Variants in ILRUN observed in about 807,000 individuals in gnomAD.
ILRUN encodes the protein protein ILRUN.
A neutral mutation model predicts 33.8 loss-of-function variants in ILRUN; 3 were observed. That is an observed-to-expected ratio of 0.09 (90% CI 0.04 to 0.23). The LOEUF is 0.23. ILRUN is among the 10% of genes least tolerant of loss of function. The probability of loss-of-function intolerance (pLI) is 1.00; values close to 1 mark genes in which losing one functional copy is unlikely to be tolerated. For missense variants in ILRUN, 210 were observed against 375.1 expected, an observed-to-expected ratio of 0.56 and a Z score of 3.64; for synonymous variants, 124 against 138.9, an observed-to-expected ratio of 0.89 and a Z score of 0.75.
intron 4 of ILRUN, among the ~76,000 whole-genome samples, chr6:34,597,003 C>T (rs1176672830): frequency 6.6e-6 from 1 of 152,034 alleles, no homozygotes; most frequent in Non-Finnish European, 1.5e-5. Flanking sequence ...TACTTCCATC[C>T]CTCCTCCCTC....
intron 2 of ILRUN, among the ~76,000 whole-genome samples, chr6:34,649,285 A>G (rs1383271661): frequency 6.6e-6 from 1 of 152,234 alleles, no homozygotes; most frequent in Non-Finnish European, 1.5e-5. Flanking sequence ...TGCTTGATAC[A>G]GAAGGAAGGG....
chr6:34,617,751 T>G (rs1761928054), intron 3 of ILRUN, among the ~76,000 whole-genome samples: 2 of 152,164 alleles, frequency 1.3e-5, no homozygotes, highest in African/African-American at 4.8e-5. Flanking sequence ...AAATGTGCAT[T>G]AGAAACTTGT....
At chr6:34,598,225 G>A (rs1038731545) in intron 4 of ILRUN, among the ~76,000 whole-genome samples, 3 of 152,184 alleles carry the variant, frequency 2.0e-5, no homozygotes, top group African/African-American at 7.2e-5. Flanking sequence ...CCCTTAGGCA[G>A]TGAAATCACA....
Position 34,589,816 on chromosome 6 carries a change from C to G in ILRUN, c.*749G>C, listed in dbSNP as rs555542420. 3.9e-5 allele frequency: 6 copies of G among 152,314 alleles called. No individual in the cohort carries two copies. Among genetic ancestry groups the G allele is most frequent in the African/African-American group, 1.4e-4 (6 of 41,568 alleles). 9.4% of individuals were successfully genotyped at this position (152,314 alleles called of 1,614,324 possible). A position where few individuals can be genotyped will look rare whatever the true frequency, so the allele number is the denominator to read the frequency against. Reference sequence around the variant, plus strand: ...TAGAAAATCCCACGTCACCCGAGATCTATCCTCAAGGCTTCCTCTGCTGGC... The same window carrying G: ...TAGAAAATCCCACGTCACCCGAGATGTATCCTCAAGGCTTCCTCTGCTGGC... On this transcript the variant is annotated 3_prime_UTR_variant, in exon 5 of 5. Transcript: ENST00000374023.
In ILRUN at chr6:34,613,623, T is replaced by C. The variant is rs199942472; in HGVS notation, c.512-6719A>G. On this transcript the variant is annotated intron_variant, in intron 3 of 4. Transcript: ENST00000374023. ...GAACAAGGTTCCTCACTTTTGAAGATATTATAGATAAGCAAGAAAGGAAGG... is the reference window on the plus strand; with the variant it reads ...GAACAAGGTTCCTCACTTTTGAAGACATTATAGATAAGCAAGAAAGGAAGG... Among the ~76,000 whole-genome samples, 37 of 152,322 alleles carry C rather than the reference T, an allele frequency of 2.4e-4. No individual in the cohort carries two copies. The East Asian group carries it at 6.9e-3, about 29-fold the overall frequency.
chr6:34,650,923 C>A (rs1674338785), intron 2 of ILRUN, among the ~76,000 whole-genome samples: 3 of 152,102 alleles, frequency 2.0e-5, no homozygotes, highest in Admixed American at 1.3e-4. Flanking sequence ...GTAGCTCTTT[C>A]AGTGAGTGCT....
chr6:34,609,630 A>G (rs1250296631), intron 3 of ILRUN, among the ~76,000 whole-genome samples: 1 of 152,308 alleles, frequency 6.6e-6, no homozygotes, highest in Non-Finnish European at 1.5e-5. Context: ...AAAAAAGGGA[A>G]TCTTAAAGTA....
At chr6:34,647,726 G>A (rs145278828) in intron 2 of ILRUN, among the ~76,000 whole-genome samples, 1 of 152,224 alleles carries the variant, frequency 6.6e-6, no homozygotes, top group East Asian at 1.9e-4. Flanking sequence ...TACCACGCCT[G>A]GCTAATTATT....
At chr6:34,632,804 TGAGCCACCA>T (rs768857872) in intron 3 of ILRUN, among the ~76,000 whole-genome samples, 3 of 152,116 alleles carry the variant, frequency 2.0e-5, no homozygotes, top group African/African-American at 4.8e-5. Context: ...ATTACAGGCG[TGAGCCACCA>T]CGCCCGGCCA....
At chr6:34,682,258 T>TG (rs1554189571) in intron 1 of ILRUN, among the ~76,000 whole-genome samples, 1,720 of 55,464 alleles carry the variant, frequency 0.031, 29 homozygotes, top group African/African-American at 0.062. Context: ...TCTGTTTTTT[T>TG]TTTTTTTTTT....
At chr6:34,671,130 G>A (rs532793284) in intron 1 of ILRUN, among the ~76,000 whole-genome samples, 4 of 152,234 alleles carry the variant, frequency 2.6e-5, no homozygotes, top group Non-Finnish European at 2.9e-5. Context: ...TGAAAGCACA[G>A]AGGCTGGGGT....
chr6:34,664,483 G>GT (rs1562024012), intron 1 of ILRUN, among the ~76,000 whole-genome samples: 1 of 152,022 alleles, frequency 6.6e-6, no homozygotes, highest in African/African-American at 2.4e-5. Context: ...AAATGGTGCT[G>GT]TTTTTTTGCT....
intron 4 of ILRUN, among the ~76,000 whole-genome samples, chr6:34,593,993 AT>A (rs1458731298): frequency 1.3e-5 from 2 of 152,150 alleles, no homozygotes; most frequent in Non-Finnish European, 2.9e-5. Context: ...GCCCATCCAC[AT>A]TTCAGATTCC....
chr6:34,592,415 G>A lies in ILRUN; in HGVS notation c.862-1815C>T, dbSNP rs569550845. On this transcript the variant is annotated intron_variant, in intron 4 of 4. Coordinates refer to ENST00000374023, the MANE Select transcript of ILRUN (RefSeq NM_024294.4). The surrounding 1 kb of genome is among the most constrained non-coding windows in gnomAD (Gnocchi z 4.0). ...CGAGCCAACCACGCCTCTAGCAGAC[G>A]AGCTATGAACCATCTCAGCAGCCAC... 1.1e-4 allele frequency among the ~76,000 whole-genome samples: 17 copies of A among 152,266 alleles called. No individual in the cohort carries two copies. The highest frequency in any genetic ancestry group is 9.7e-4 in the East Asian group (5 of 5,166).
chr6:34,671,196 C>T (rs1440717675), intron 1 of ILRUN, among the ~76,000 whole-genome samples: 1 of 151,998 alleles, frequency 6.6e-6, no homozygotes, highest in Non-Finnish European at 1.5e-5. Flanking sequence ...CACTTAAGCC[C>T]AGGAGTTCAA....
At chr6:34,662,419 A>T (rs1218701658) in intron 1 of ILRUN, among the ~76,000 whole-genome samples, 1 of 152,216 alleles carries the variant, frequency 6.6e-6, no homozygotes, top group African/African-American at 2.4e-5. Flanking sequence ...AGAGAACTGA[A>T]AGCAGTTCTA....
intron 3 of ILRUN, among the ~76,000 whole-genome samples, chr6:34,643,317 G>C (rs890601504): frequency 6.6e-6 from 1 of 150,500 alleles, no homozygotes; most frequent in Non-Finnish European, 1.5e-5. Flanking sequence ...AAAAAAAAGT[G>C]CGTGTGTGTG....
chr6:34,667,547 G>C (rs1254540666), intron 1 of ILRUN, among the ~76,000 whole-genome samples: 1 of 152,036 alleles, frequency 6.6e-6, no homozygotes, highest in Non-Finnish European at 1.5e-5. Flanking sequence ...GGGAAAACAG[G>C]GTAGTCCCAG....
At chr6:34,614,437 A>ATATATATATATATATATATATATATATAT (rs1321613482) in intron 3 of ILRUN, among the ~76,000 whole-genome samples, 2 of 124,608 alleles carry the variant, frequency 1.6e-5, no homozygotes, top group African/African-American at 7.3e-5. Flanking sequence ...ATAATAAAAA[A>ATATATATATATATATATATATATATATAT]AAAAAAATAT....
Sources: allele counts gnomAD v4.1 joint callset (sites outside exome capture counted in the v4.1 genomes callset), GRCh38; gene constraint gnomAD v4.1.1; non-coding constraint Gnocchi (gnomAD v3.1); transcripts MANE v1.5; gene names NCBI Gene and HGNC (gene_info 2026-07-23, HGNC 2026-07-21).